Variants in SYTL3 observed in about 807,000 individuals in gnomAD.
SYTL3 encodes the protein synaptotagmin like 3.
A neutral mutation model predicts 82.1 loss-of-function variants in SYTL3; 88 were observed. The observed-to-expected ratio is 1.07, with a 90% CI of 0.90 to 1.28. SYTL3 has a LOEUF of 1.28. Ranked by LOEUF, SYTL3 falls within the 50% of genes most tolerant of loss-of-function variation. The pLI is 0.00. For missense variants in SYTL3, 831 were observed against 757.6 expected (o/e 1.10, Z -1.14); for synonymous variants, 311 against 289.4 (o/e 1.07, Z -0.76).
chr6:158,679,591 CAGAT>C (rs1778429556), intron 5 of SYTL3, among the ~76,000 whole-genome samples: 1 of 152,076 alleles, frequency 6.6e-6, no homozygotes, highest in Non-Finnish European at 1.5e-5. Flanking sequence ...TCTTTAATCA[CAGAT>C]AGGCCCAAGA....
Position 158,682,945 on chromosome 6 carries a change from G to A in SYTL3, c.350G>A (p.Gly117Glu). Residue 117 changes from glycine to glutamate, a missense_variant, in exon 6 of 18, where the codon GGA (glycine) becomes GAA (glutamate). Physicochemically the swap from Gly to Glu is moderately conservative, Grantham distance 98. Transcript: ENST00000611299. ...TTCAGGAATGTCAAAATAAAAACTG[G>A]AGAATGGTTCTATGAGGAACGAGCC... ...FEDRNVKIKT[G>E]EWFYEERAKK... The A allele has an allele frequency of 6.2e-7, 1 of 1,613,558 alleles. No homozygotes were observed.
At chr6:158,701,028 A>G (rs945449809) in intron 6 of SYTL3, among the ~76,000 whole-genome samples, 4 of 152,238 alleles carry the variant, frequency 2.6e-5, no homozygotes, top group African/African-American at 9.6e-5. Flanking sequence ...ACAGATGCAT[A>G]TTGATTACAG....
At chr6:158,728,388 A>G (rs1784992422) in intron 11 of SYTL3, among the ~76,000 whole-genome samples, 1 of 151,898 alleles carries the variant, frequency 6.6e-6, no homozygotes, top group African/African-American at 2.4e-5. Flanking sequence ...TGACTTTGGC[A>G]TCTTGGTTGG....
At chr6:158,662,265 A>G (rs1789464262) in intron 3 of SYTL3, among the ~76,000 whole-genome samples, 1 of 152,254 alleles carries the variant, frequency 6.6e-6, no homozygotes, top group Non-Finnish European at 1.5e-5. Context: ...TCTGGATAAA[A>G]GGATGTATGC....
At chr6:158,682,690 A>G (rs566873238) in intron 5 of SYTL3, among the ~76,000 whole-genome samples, 1 of 152,334 alleles carries the variant, frequency 6.6e-6, no homozygotes, top group East Asian at 1.9e-4. Flanking sequence ...GAACGTACAC[A>G]TGACATGCAA....
intron 6 of SYTL3, among the ~76,000 whole-genome samples, chr6:158,683,475 T>C (rs898689842): frequency 6.6e-6 from 1 of 152,164 alleles, no homozygotes; most frequent in Admixed American, 6.6e-5. Context: ...CGCCTCGGCC[T>C]CCCAAGGTGC....
chr6:158,699,413 C>T (rs995643620), intron 6 of SYTL3, among the ~76,000 whole-genome samples: 10 of 152,164 alleles, frequency 6.6e-5, no homozygotes, highest in Non-Finnish European at 1.0e-4. Flanking sequence ...GGATTTGTAT[C>T]GGTAGCTGAA....
At chr6:158,724,342 T>G (rs1301579124) in intron 10 of SYTL3, among the ~76,000 whole-genome samples, 2 of 152,274 alleles carry the variant, frequency 1.3e-5, no homozygotes, top group African/African-American at 2.4e-5. Flanking sequence ...GAGGTAATCC[T>G]TTCTTTCATT....
At chr6:158,668,941 A>T (rs1485173990) in intron 5 of SYTL3, among the ~76,000 whole-genome samples, 2 of 152,186 alleles carry the variant, frequency 1.3e-5, no homozygotes, top group African/African-American at 4.8e-5. Flanking sequence ...AGAAGAACCA[A>T]GGAAAGTTGT....
At chr6:158,683,343 C>A (rs552520088) in intron 6 of SYTL3, among the ~76,000 whole-genome samples, 1 of 152,048 alleles carries the variant, frequency 6.6e-6, no homozygotes, top group African/African-American at 2.4e-5. Flanking sequence ...GCCTCAGCCT[C>A]CGGAGTACCT....
intron 5 of SYTL3, among the ~76,000 whole-genome samples, chr6:158,666,099 C>T (rs1010231543): frequency 1.3e-5 from 2 of 152,132 alleles, no homozygotes; most frequent in African/African-American, 4.8e-5. Context: ...GTTTAAACAA[C>T]AAAAGTTTGT....
At chr6:158,667,566 T>C (rs1056118587) in intron 5 of SYTL3, among the ~76,000 whole-genome samples, 7 of 152,182 alleles carry the variant, frequency 4.6e-5, no homozygotes, top group African/African-American at 1.7e-4. Flanking sequence ...AACTTTAGAA[T>C]CTTTGACATT....
Position 158,682,915 on chromosome 6 carries a change from AT to A in SYTL3, c.330-4del, listed in dbSNP as rs755759896. The stretch of plus-strand genomic sequence containing the variant: ...TCTCTCTGAAGCTTCCTTTCTGCTC[AT>A]TTTTTCAGGAATGTCAAAATAAAAA... On this transcript the variant is annotated splice_polypyrimidine_tract_variant and intron_variant, in intron 5 of 17. Transcript: ENST00000611299. The A allele has an allele frequency of 6.2e-7, 1 of 1,611,308 alleles. No homozygotes were observed. The highest frequency in any genetic ancestry group is 8.5e-7 in the Non-Finnish European group (1 of 1,177,618).
intron 5 of SYTL3, among the ~76,000 whole-genome samples, chr6:158,677,255 A>G (rs556598710): frequency 5.3e-5 from 8 of 152,286 alleles, no homozygotes; most frequent in African/African-American, 1.7e-4. Flanking sequence ...TGTCCTTTGT[A>G]GGGACATGGA....
At chr6:158,762,014 G>C in intron 15 of SYTL3, 62 bp from the exon 16 acceptor site, 1 of 1,205,148 alleles carries the variant, frequency 8.3e-7, no homozygotes, top group South Asian at 1.3e-5. Context: ...TTGGGGTGGT[G>C]GTACTGCATA....
intron 11 of SYTL3, among the ~76,000 whole-genome samples, chr6:158,733,955 A>G (rs1785785229): frequency 1.3e-5 from 2 of 151,808 alleles, no homozygotes; most frequent in East Asian, 2.0e-4. Flanking sequence ...AAAATTAGCC[A>G]GGCGTGATGG....
chr6:158,682,864 G>T, intron 5 of SYTL3, 61 bp from the exon 6 acceptor site: 5 of 1,311,546 alleles, frequency 3.8e-6, no homozygotes, highest in Non-Finnish European at 5.5e-6. Flanking sequence ...CTTAAAAGGG[G>T]TAAATATAGC....
intron 17 of SYTL3, 101 bp downstream of exon 17, chr6:158,763,610 T>A (rs1790308935): frequency 9.5e-7 from 1 of 1,048,018 alleles, no homozygotes; most frequent in African/African-American, 1.6e-5. Context: ...CTTAACTGGT[T>A]TTGAAATTGC....
chr6:158,760,786 G>A (rs1466311644), intron 15 of SYTL3, 41 bp downstream of exon 15: 6 of 1,512,092 alleles, frequency 4.0e-6, no homozygotes, highest in Middle Eastern at 1.7e-4. Flanking sequence ...CTGTGTCATT[G>A]TCTGCAGAGC....
Sources: gnomAD v4.1 joint callset for allele counts (sites outside exome capture counted in the v4.1 genomes callset) on GRCh38, gnomAD v4.1.1 for gene constraint, MANE v1.5 for transcripts, NCBI Gene and HGNC (gene_info 2026-07-23, HGNC 2026-07-21) for gene names.